PBX3: variants seen among roughly 807,000 people sequenced by gnomAD.
The protein encoded by PBX3 is pre-B-cell leukemia transcription factor 3.
In PBX3, 14 loss-of-function variants were observed where a neutral mutation model predicts 48.5. The observed-to-expected ratio is 0.29, with a 90% CI of 0.19 to 0.45. The LOEUF (loss-of-function observed/expected upper bound fraction) is 0.45. PBX3 is among the 20% of genes least tolerant of loss of function. PBX3 has a pLI of 1.00. For missense variants in PBX3, 386 were observed against 546.7 expected (o/e 0.71, Z 2.93); for synonymous variants, 210 against 200.3 (o/e 1.05, Z -0.41).
At chr9:125,929,439 T>C (rs1841664702) in intron 3 of PBX3, among the ~76,000 whole-genome samples, 1 of 152,236 alleles carries the variant, frequency 6.6e-6, no homozygotes, top group Non-Finnish European at 1.5e-5. Context: ...AGTAGTTGAA[T>C]GCTGTCTCCT....
intron 5 of PBX3, among the ~76,000 whole-genome samples, chr9:125,942,362 C>T (rs534197392): frequency 6.6e-5 from 10 of 152,124 alleles, no homozygotes; most frequent in South Asian, 6.2e-4. Flanking sequence ...ATCATTTTCC[C>T]GCTAAGCTAC....
At chr9:125,831,427 G>GT (rs573089500) in intron 2 of PBX3, among the ~76,000 whole-genome samples, 19,639 of 143,656 alleles carry the variant, frequency 0.14, 2,874 homozygotes, top group African/African-American at 0.37. Context: ...TAGCCAGAAT[G>GT]TTTTTTTTTT....
chr9:125,748,674 G>T, intron 2 of PBX3, 51 bp downstream of exon 2: 4 of 1,406,956 alleles, frequency 2.8e-6, no homozygotes, highest in Non-Finnish European at 4.0e-6. Context: ...GGTGGGGGTC[G>T]GAGCTACTCC....
intron 3 of PBX3, among the ~76,000 whole-genome samples, chr9:125,916,560 A>G (rs576826490): frequency 6.6e-6 from 1 of 152,354 alleles, no homozygotes; most frequent in African/African-American, 2.4e-5. Flanking sequence ...TATATTAACC[A>G]TACTGAATCT....
rs1842543219 is a variant in PBX3, at chr9:125,966,829, T to A, written c.*906T>A. On this transcript the variant is annotated 3_prime_UTR_variant, in exon 9 of 9. Coordinates refer to ENST00000373489, the MANE Select transcript of PBX3 (RefSeq NM_006195.6). Reference sequence around the variant, plus strand: ...CAACATGTTCTGTAGCTTAGAGTGCTCACTTACTACCTCTGAACAATACTC... The same window carrying A: ...CAACATGTTCTGTAGCTTAGAGTGCACACTTACTACCTCTGAACAATACTC... 1 of 152,678 alleles carries A rather than the reference T, an allele frequency of 6.5e-6. No homozygotes were observed. Among genetic ancestry groups the A allele is most frequent in the Admixed American group, 6.5e-5 (1 of 15,286 alleles). 9.5% of individuals were successfully genotyped at this position (152,678 alleles called of 1,614,324 possible). A position where few individuals can be genotyped will look rare whatever the true frequency, so the allele number is the denominator to read the frequency against.
At chr9:125,797,117 G>A (rs1588155142) in intron 2 of PBX3, among the ~76,000 whole-genome samples, 1 of 151,880 alleles carries the variant, frequency 6.6e-6, no homozygotes, top group Non-Finnish European at 1.5e-5. Context: ...TAGTGACTAA[G>A]AAGAATGTTA....
chr9:125,924,745 C>G (rs542167592), intron 3 of PBX3, among the ~76,000 whole-genome samples: 1 of 152,272 alleles, frequency 6.6e-6, no homozygotes, highest in Admixed American at 6.5e-5. Context: ...AGAAAGTCTA[C>G]TGGGAAACTG....
intron 2 of PBX3, among the ~76,000 whole-genome samples, chr9:125,845,763 T>C (rs1564135997): frequency 6.6e-6 from 1 of 152,030 alleles, no homozygotes; most frequent in Non-Finnish European, 1.5e-5. Flanking sequence ...TATTTGAAGC[T>C]TTGCCACCAC....
At chr9:125,932,587 T>A (rs1841742263) in intron 4 of PBX3, among the ~76,000 whole-genome samples, 1 of 152,180 alleles carries the variant, frequency 6.6e-6, no homozygotes, top group Non-Finnish European at 1.5e-5. Flanking sequence ...GTTAGAGAGG[T>A]AGCATCAGAC....
intron 2 of PBX3, among the ~76,000 whole-genome samples, chr9:125,780,495 G>A (rs1489756326): frequency 7.3e-6 from 1 of 137,688 alleles, no homozygotes; most frequent in Non-Finnish European, 1.6e-5. Context: ...CCCGGACGGG[G>A]CGTCTGGCCG....
Position 125,787,878 on chromosome 9 carries a change from G to T in PBX3, c.274+39255G>T, listed in dbSNP as rs555058689. On this transcript the variant is annotated intron_variant, in intron 2 of 8. Coordinates refer to ENST00000373489, the MANE Select transcript of PBX3 (RefSeq NM_006195.6). ...CTAGGTGATGGATGATAAAGTTCAG[G>T]ATGTGGCCCTGGGAGCTTGTGTGTC... 6.7e-4 allele frequency among the ~76,000 whole-genome samples: 102 copies of T among 152,316 alleles called. 1 individual carries two copies. The highest frequency in any genetic ancestry group is 7.8e-4 in the Admixed American group (12 of 15,300).
At chr9:125,809,997 T>TA (rs1838240746) in intron 2 of PBX3, among the ~76,000 whole-genome samples, 1 of 152,212 alleles carries the variant, frequency 6.6e-6, no homozygotes, top group South Asian at 2.1e-4. Context: ...ATGATTGGTA[T>TA]ATTAGGGAAT....
At chr9:125,849,764 A>T (rs1839526449) in intron 2 of PBX3, among the ~76,000 whole-genome samples, 1 of 152,012 alleles carries the variant, frequency 6.6e-6, no homozygotes, top group South Asian at 2.1e-4. Context: ...AAGGCTGCAT[A>T]GAAGTTATTT....
At chr9:125,800,967 G>A (rs1837926878) in intron 2 of PBX3, among the ~76,000 whole-genome samples, 1 of 152,048 alleles carries the variant, frequency 6.6e-6, no homozygotes, top group African/African-American at 2.4e-5. Flanking sequence ...TGGCCAGGCT[G>A]ATCTCGAACT....
At chr9:125,913,157 G>A (rs1841242658) in intron 2 of PBX3, among the ~76,000 whole-genome samples, 1 of 151,918 alleles carries the variant, frequency 6.6e-6, no homozygotes, top group Admixed American at 6.6e-5. Context: ...TCTTCTTGTT[G>A]CCTATTTGCA....
At chr9:125,955,278 G>T (rs966362121) in intron 5 of PBX3, among the ~76,000 whole-genome samples, 2 of 152,070 alleles carry the variant, frequency 1.3e-5, no homozygotes, top group South Asian at 2.1e-4. Flanking sequence ...AGCTTCTCCC[G>T]CTTCCTCTTC....
rs774827331 is a variant in PBX3 at position 125,960,863 on chromosome 9, GC to G, written c.1009+15del. The G allele has an allele frequency of 1.5e-5, 24 of 1,608,708 alleles. No homozygotes were observed. The African/African-American group carries it at 3.2e-4, about 21-fold the overall frequency. On this transcript the variant is annotated intron_variant, in intron 6 of 8. Transcript: ENST00000373489. ...CACCAAATTCCGGTGCGTACTGGGG[GC>G]TCGCTCCCCAACTGGCCCAGGCAGC...
At chr9:125,822,128 TGAA>T (rs1838670341) in intron 2 of PBX3, among the ~76,000 whole-genome samples, 1 of 152,192 alleles carries the variant, frequency 6.6e-6, no homozygotes, top group Non-Finnish European at 1.5e-5. Flanking sequence ...AACTGTGCTA[TGAA>T]GAATTATGTA....
intron 2 of PBX3, among the ~76,000 whole-genome samples, chr9:125,904,285 C>T (rs997132901): frequency 3.3e-5 from 5 of 151,750 alleles, no homozygotes; most frequent in African/African-American, 4.8e-5. Flanking sequence ...TTTTTCCATT[C>T]GTCTAACCTT....
Sources: gnomAD v4.1 joint callset for allele counts (sites outside exome capture counted in the v4.1 genomes callset) on GRCh38, gnomAD v4.1.1 for gene constraint, MANE v1.5 for transcripts, NCBI Gene and HGNC (gene_info 2026-07-23, HGNC 2026-07-21) for gene names.